The following VPS4A variants were observed in gnomAD, a reference collection of about 807,000 sequenced individuals.
VPS4A encodes vacuolar protein sorting-associated protein 4A.
In VPS4A, 20 loss-of-function variants were observed where a neutral mutation model predicts 52.3. That is an observed-to-expected ratio of 0.38 (90% CI 0.27 to 0.56). VPS4A has a LOEUF of 0.56. VPS4A is among the 20% of genes least tolerant of loss of function. VPS4A has a pLI of 0.72. For synonymous variants in VPS4A, 293 were observed against 227.7 expected, an observed-to-expected ratio of 1.29 and a Z score of -2.58; for missense variants, 419 against 575.9, an observed-to-expected ratio of 0.73 and a Z score of 2.79.
intron 6 of VPS4A, among the ~76,000 whole-genome samples, 175 bp from the exon 7 acceptor site, chr16:69,319,966 C>T (rs886382785): frequency 4.6e-5 from 7 of 152,332 alleles, no homozygotes; most frequent in African/African-American, 1.7e-4. Context: ...CCAAGGTGTG[C>T]TCCTCCTCTT....
intron 1 of VPS4A, among the ~76,000 whole-genome samples, chr16:69,312,651 C>T (rs1965390505): frequency 1.3e-5 from 2 of 152,256 alleles, no homozygotes; most frequent in African/African-American, 4.8e-5. Context: ...CTCACTCTGT[C>T]ACCCAGACTG....
chr16:69,320,367 G>C lies in VPS4A; in HGVS notation c.769+78G>C. ...CTGGGCTTTATTCTGAGCTGCGGCT[G>C]GATTTGGTTGTTCTCAGCCTCGGAG... On this transcript the variant is annotated intron_variant, in intron 7 of 10. Coordinates refer to ENST00000254950, the MANE Select transcript of VPS4A (RefSeq NM_013245.3). The surrounding 1 kb of genome is among the most constrained non-coding windows in gnomAD (Gnocchi z 4.2). The C allele has an allele frequency of 1.3e-6, 2 of 1,563,260 alleles. No homozygotes were observed. Among genetic ancestry groups the C allele is most frequent in the Non-Finnish European group, 1.7e-6 (2 of 1,149,210 alleles).
At position 69,326,769 on chromosome 16, in the gene VPS4A, G is replaced by GGGATTCTGTTATAAATCTTCTGCCTAC. The variant is rs1201889124; in HGVS notation, c.*2475_*2476insTCTTCTGCCTACGGATTCTGTTATAAA. On this transcript the variant is annotated 3_prime_UTR_variant, in exon 11 of 11. Coordinates refer to ENST00000254950, the MANE Select transcript of VPS4A (RefSeq NM_013245.3). The stretch of plus-strand genomic sequence containing the variant: ...GCTCTGAAATTCACTTCTCTGCCTG[G>GGGATTCTGTTATAAATCTTCTGCCTAC]GGATTCTGTTATAAACCTTCTGCCT... 1 of 152,176 alleles carries GGGATTCTGTTATAAATCTTCTGCCTAC rather than the reference G, an allele frequency of 6.6e-6. No homozygotes were observed. Among genetic ancestry groups the GGGATTCTGTTATAAATCTTCTGCCTAC allele is most frequent in the Non-Finnish European group, 1.5e-5 (1 of 68,030 alleles). 9.4% of individuals were successfully genotyped at this position (152,176 alleles called of 1,614,324 possible).
At chr16:69,313,560 G>C (rs775859098) in intron 1 of VPS4A, among the ~76,000 whole-genome samples, 7 of 151,996 alleles carry the variant, frequency 4.6e-5, no homozygotes, top group Non-Finnish European at 7.4e-5. Context: ...TAATGTCATA[G>C]GTTTTTACAT....
Position 69,321,487 on chromosome 16 carries a change from G to T in VPS4A, c.1071+217G>T. On this transcript the variant is annotated intron_variant, in intron 9 of 10. Coordinates refer to ENST00000254950, the MANE Select transcript of VPS4A (RefSeq NM_013245.3). The surrounding 1 kb of genome is among the most constrained non-coding windows in gnomAD (Gnocchi z 4.5). Reference sequence around the variant, plus strand: ...GGCCATCTCAGGGTGTGTGAAAGCAGAGGACAGGGCCACTTTACTGTCTTA... The same window carrying T: ...GGCCATCTCAGGGTGTGTGAAAGCATAGGACAGGGCCACTTTACTGTCTTA... 1 of 599,108 alleles carries T rather than the reference G, an allele frequency of 1.7e-6. No homozygotes were observed. Among genetic ancestry groups the T allele is most frequent in the Middle Eastern group, 4.5e-4 (1 of 2,204 alleles). 37.1% of individuals were successfully genotyped at this position (599,108 alleles called of 1,614,324 possible).
Position 69,320,956 on chromosome 16 carries a change from A to G in VPS4A, c.852-95A>G. On this transcript the variant is annotated intron_variant, in intron 8 of 10. Transcript: ENST00000254950. This position sits in a 1 kb window ranked among gnomAD's most constrained non-coding sequence, Gnocchi z 4.2. ...TGCCGCCAGCATCACTGGCCCATGA[A>G]ATGCGTCCGTTTCACTCAAATCTTC... The G allele has an allele frequency of 7.4e-7, 1 of 1,353,270 alleles. No individual in the cohort carries two copies. The highest frequency in any genetic ancestry group is 2.5e-5 in the East Asian group (1 of 39,728). The allele number at this position is 1,353,270 out of a possible 1,614,324, so 83.8% of individuals were successfully genotyped here.
In VPS4A at chr16:69,311,355, C is replaced by T. The variant is rs1965373661; in HGVS notation, c.-157C>T. 3 of 781,414 alleles carry T rather than the reference C, an allele frequency of 3.8e-6. No individual in the cohort carries two copies. The highest frequency in any genetic ancestry group is 1.8e-5 in the African/African-American group (1 of 54,596). 48.4% of individuals were successfully genotyped at this position (781,414 alleles called of 1,614,324 possible). On this transcript the variant is annotated 5_prime_UTR_variant, in exon 1 of 11. Coordinates refer to ENST00000254950, the MANE Select transcript of VPS4A (RefSeq NM_013245.3). ...CTGGGCTGCGCTCCTCGCTTGCCCT[C>T]GGACTCGGCTCCCGCTGCGAGCGGC... is the stretch of plus-strand genomic sequence containing the variant.
chr16:69,322,214 G>T (rs941073628), intron 9 of VPS4A: 1 of 179,112 alleles, frequency 5.6e-6, no homozygotes, highest in East Asian at 1.5e-4. Flanking sequence ...CTCCCCCTGG[G>T]TCCCTCCCAC....
In VPS4A at chr16:69,324,868, A is replaced by C. The variant is rs1965566279; in HGVS notation, c.*559A>C. 1 of 162,190 alleles carries C rather than the reference A, an allele frequency of 6.2e-6. No individual in the cohort carries two copies. Among genetic ancestry groups the C allele is most frequent in the African/African-American group, 2.4e-5 (1 of 41,752 alleles). 10.0% of individuals were successfully genotyped at this position (162,190 alleles called of 1,614,324 possible). On this transcript the variant is annotated 3_prime_UTR_variant, in exon 11 of 11. Transcript: ENST00000254950. Reference sequence around the variant, plus strand: ...TTCCCACCCTCCTAGGTTCACATCCAGGGCTGTGTCTTCCTTGGGGGAGGA... The same window carrying C: ...TTCCCACCCTCCTAGGTTCACATCCCGGGCTGTGTCTTCCTTGGGGGAGGA...
At chr16:69,313,239 C>A (rs552283520) in intron 1 of VPS4A, among the ~76,000 whole-genome samples, 7 of 152,182 alleles carry the variant, frequency 4.6e-5, no homozygotes, top group Non-Finnish European at 8.8e-5. Context: ...CCCACCTCGG[C>A]CGCCCAAAGT....
At chr16:69,318,515 A>AG in intron 3 of VPS4A, 135 bp from the exon 4 acceptor site, 1 of 914,824 alleles carries the variant, frequency 1.1e-6, no homozygotes, top group Admixed American at 2.4e-5. Context: ...TACTTGCTTG[A>AG]GTCACACGGC....
Position 69,321,570 on chromosome 16 carries a change from A to C in VPS4A, c.1071+300A>C. The C allele has an allele frequency of 6.5e-5, 26 of 402,754 alleles. No individual in the cohort carries two copies. The highest frequency in any genetic ancestry group is 7.4e-4 in the Middle Eastern group (1 of 1,356). The allele number at this position is 402,754 out of a possible 1,614,324, so 24.9% of individuals were successfully genotyped here. On this transcript the variant is annotated intron_variant, in intron 9 of 10. Transcript: ENST00000254950. This position sits in a 1 kb window ranked among gnomAD's most constrained non-coding sequence, Gnocchi z 4.5. ...TGCTCTTGTGCGGGGTGGACACCAA[A>C]TCAGTGTTTGGAAAGTGTTGGATAT...
intron 5 of VPS4A, 25 bp downstream of exon 5, chr16:69,318,967 C>T: frequency 1.2e-6 from 2 of 1,605,604 alleles, no homozygotes; most frequent in South Asian, 1.1e-5. Context: ...ATTTCAAACC[C>T]CAATGTAAAA....
At position 69,316,065 on chromosome 16, in the gene VPS4A, G is replaced by A; in HGVS notation, c.79G>A (p.Glu27Lys). 1 of 1,613,626 alleles carries A rather than the reference G, an allele frequency of 6.2e-7. No homozygotes were observed. The highest frequency in any genetic ancestry group is 1.1e-5 in the South Asian group (1 of 91,080). ...GGAGGACAAAGCCAAGAACTACGAG[G>A]AGGCGCTGCGGCTGTACCAGCATGC... ...TEEDKAKNYE[E>K]ALRLYQHAVE... is the part of the protein sequence containing the mutation. Residue 27 changes from glutamate to lysine, a missense_variant, in exon 2 of 11, where the codon GAG becomes AAG. Glu to Lys is a moderately conservative substitution (Grantham distance 56). This residue lies in a region of VPS4A where 131 missense variants were observed against 165.4 expected (regional missense o/e 0.79). Coordinates refer to ENST00000254950, the MANE Select transcript of VPS4A (RefSeq NM_013245.3).
rs755324861 is a variant in VPS4A at position 69,318,718 on chromosome 16, G to A, written c.343+7G>A. 5 of 1,613,676 alleles carry A rather than the reference G, an allele frequency of 3.1e-6. No homozygotes were observed. The highest frequency in any genetic ancestry group is 1.7e-4 in the Middle Eastern group (1 of 6,060). ...CTGCAAGAACAGCTGATGGGTAAGTGGCTCGCGGCCCTGTGGCAGCGGCAG... is the reference window on the plus strand; with the variant it reads ...CTGCAAGAACAGCTGATGGGTAAGTAGCTCGCGGCCCTGTGGCAGCGGCAG... On this transcript the variant is annotated splice_region_variant and intron_variant, in intron 4 of 10. Transcript: ENST00000254950.
chr16:69,322,658 G>A lies in VPS4A; in HGVS notation c.1170G>A (p.Met390Ile). 1.9e-6 allele frequency: 3 copies of A among 1,613,878 alleles called. No homozygotes were observed. The highest frequency in any genetic ancestry group is 2.5e-6 in the Non-Finnish European group (3 of 1,179,836). ...CAGGAGCCATGGAGATGACTTGGAT[G>A]GATGTCCCTGGGGACAAACTCTTAG... is the stretch of plus-strand genomic sequence containing the variant. ...GDPGAMEMTW[M>I]DVPGDKLLEP... Residue 390 changes from methionine (M) to isoleucine (I), a missense_variant, in exon 10 of 11, where the codon ATG becomes ATA. Met to Ile is a conservative substitution (Grantham distance 10). This residue lies in a region of VPS4A where 185 missense variants were observed against 200.2 expected (regional missense o/e 0.92). Transcript: ENST00000254950.
chr16:69,323,248 A>G (rs1157604767), intron 10 of VPS4A: 1 of 179,778 alleles, frequency 5.6e-6, no homozygotes, highest in African/African-American at 2.4e-5. Context: ...GCTTGACCTC[A>G]CGAGCTCACA....
Position 69,320,082 on chromosome 16 carries a change from G to T in VPS4A, c.621-59G>T, listed in dbSNP as rs1351575538. ...AAGGGTGAGAAGAGGGAAGTGCCGG[G>T]AGCCCAGGCGGGCACGGACGTGAAC... is the stretch of plus-strand genomic sequence containing the variant. On this transcript the variant is annotated intron_variant, in intron 6 of 10. Coordinates refer to ENST00000254950, the MANE Select transcript of VPS4A (RefSeq NM_013245.3). This position sits in a 1 kb window ranked among gnomAD's most constrained non-coding sequence, Gnocchi z 4.2. 1 of 1,556,036 alleles carries T rather than the reference G, an allele frequency of 6.4e-7. No homozygotes were observed. Among genetic ancestry groups the T allele is most frequent in the Non-Finnish European group, 8.7e-7 (1 of 1,144,174 alleles).
At position 69,311,356 on chromosome 16, in the gene VPS4A, G is replaced by T. The variant is rs1010544070; in HGVS notation, c.-156G>T. On this transcript the variant is annotated 5_prime_UTR_variant, in exon 1 of 11. Transcript: ENST00000254950. Reference sequence around the variant, plus strand: ...TGGGCTGCGCTCCTCGCTTGCCCTCGGACTCGGCTCCCGCTGCGAGCGGCC... The same window carrying T: ...TGGGCTGCGCTCCTCGCTTGCCCTCTGACTCGGCTCCCGCTGCGAGCGGCC... The T allele has an allele frequency of 5.1e-6, 4 of 789,680 alleles. No individual in the cohort carries two copies. Among genetic ancestry groups the T allele is most frequent in the Non-Finnish European group, 6.8e-6 (4 of 586,828 alleles). 48.9% of individuals were successfully genotyped at this position (789,680 alleles called of 1,614,324 possible).
Sources: gnomAD v4.1 joint callset for allele counts (sites outside exome capture counted in the v4.1 genomes callset) on GRCh38, gnomAD v4.1.1 for gene constraint, gnomAD v4.1.1 regional missense constraint, Gnocchi (gnomAD v3.1) non-coding constraint, MANE v1.5 for transcripts, NCBI Gene and HGNC (gene_info 2026-07-23, HGNC 2026-07-21) for gene names.